Variants in TLCD4 observed in about 807,000 individuals in gnomAD.
TLCD4 encodes the protein TLC domain-containing protein 4.
In TLCD4, 7 loss-of-function variants were observed where a neutral mutation model predicts 24.2. That is an observed-to-expected ratio of 0.29 (90% CI 0.16 to 0.54). The LOEUF (loss-of-function observed/expected upper bound fraction) is 0.54, where lower values mean the gene tolerates loss of function less well. Among genes scored for constraint, TLCD4 ranks in the 20% least tolerant of loss-of-function variants. The probability of loss-of-function intolerance (pLI) is 0.95; values close to 1 mark genes in which losing one functional copy is unlikely to be tolerated. For missense variants in TLCD4, 259 were observed against 313.9 expected (o/e 0.82, Z 1.32); for synonymous variants, 103 against 106.4 (o/e 0.97, Z 0.20).
At chr1:95,120,014 C>A in intron 1 of TLCD4, 1 of 152,316 alleles carries the variant, frequency 6.6e-6, no homozygotes, top group Non-Finnish European at 1.5e-5. Context: ...CAAAGGAGGG[C>A]CAGACTGGGG....
At chr1:95,143,057 C>T (rs112034535) in intron 1 of TLCD4, among the ~76,000 whole-genome samples, 1 of 151,974 alleles carries the variant, frequency 6.6e-6, no homozygotes, top group Non-Finnish European at 1.5e-5. Flanking sequence ...AGCAACCAAT[C>T]AGAGGCTGAA....
intron 6 of TLCD4, among the ~76,000 whole-genome samples, chr1:95,190,846 T>G (rs1679001925): frequency 1.3e-5 from 2 of 152,242 alleles, no homozygotes; most frequent in Admixed American, 1.3e-4. Flanking sequence ...TATTGTTGAC[T>G]TTTAAGAATT....
At chr1:95,141,093 T>C (rs1367329620) in intron 1 of TLCD4, among the ~76,000 whole-genome samples, 1 of 152,204 alleles carries the variant, frequency 6.6e-6, no homozygotes, top group Non-Finnish European at 1.5e-5. Flanking sequence ...TGGAGCTCTT[T>C]ATTTAGTTTT....
upstream of TLCD4, among the ~76,000 whole-genome samples, chr1:95,116,772 C>G (rs1676439995): frequency 6.6e-6 from 1 of 152,164 alleles, no homozygotes; most frequent in African/African-American, 2.4e-5. Flanking sequence ...CAGAGGGGTT[C>G]CGGGTGTAGG....
chr1:95,189,627 T>G (rs552735711), intron 6 of TLCD4, among the ~76,000 whole-genome samples: 8 of 152,334 alleles, frequency 5.3e-5, no homozygotes, highest in South Asian at 4.1e-4. Context: ...TTTTCTAGAA[T>G]GTCTATAAAT....
chr1:95,101,422 TGTGTGTGTG>T, the TLCD4 span, among the ~76,000 whole-genome samples: 1 of 149,850 alleles, frequency 6.7e-6, no homozygotes, highest in Non-Finnish European at 1.5e-5. Context: ...TGTGTGTGTG[TGTGTGTGTG>T]TGTGTGTGTG....
rs1679233373 is a variant in TLCD4, at chr1:95,197,297, G to A, written c.*5429G>A. 6.6e-6 allele frequency: 1 copy of A among 152,052 alleles called. No homozygotes were observed. The highest frequency in any genetic ancestry group is 1.9e-4 in the East Asian group (1 of 5,196). 9.4% of individuals were successfully genotyped at this position (152,052 alleles called of 1,614,324 possible). On this transcript the variant is annotated 3_prime_UTR_variant, in exon 7 of 7. Transcript: ENST00000370203. The stretch of plus-strand genomic sequence containing the variant: ...TTTTGTTTCCTGGTTGTTTTATTTG[G>A]AGGGATAATAAATGTCTAAGTTATT...
chr1:95,174,422 G>T (rs1678344684), intron 6 of TLCD4, among the ~76,000 whole-genome samples: 1 of 150,200 alleles, frequency 6.7e-6, no homozygotes, highest in Non-Finnish European at 1.5e-5. Context: ...ATAAATCCCA[G>T]CACTTTGGGA....
chr1:95,108,687 T>C, the TLCD4 span, among the ~76,000 whole-genome samples: 1 of 152,246 alleles, frequency 6.6e-6, no homozygotes, highest in Non-Finnish European at 1.5e-5. Context: ...GAATATTTAC[T>C]AGCATACAGA....
chr1:95,165,751 C>G (rs1415772591), intron 5 of TLCD4, among the ~76,000 whole-genome samples: 1 of 152,220 alleles, frequency 6.6e-6, no homozygotes, highest in Non-Finnish European at 1.5e-5. Flanking sequence ...CAGGCATGAG[C>G]CACTGCGCCT....
At position 95,125,006 on chromosome 1, in the gene TLCD4, A is replaced by C. The variant is rs184195383; in HGVS notation, c.-12+7389A>C. Among the ~76,000 whole-genome samples the C allele has an allele frequency of 1.3e-3, 192 of 152,318 alleles. 1 individual carries two copies. Among genetic ancestry groups the C allele is most frequent in the African/African-American group, 4.3e-3 (178 of 41,568 alleles). The stretch of plus-strand genomic sequence containing the variant: ...GATTAAACTTGTTAATAGGTTATAC[A>C]GTGTGAGAATGTCATCAGGGCTTAG... On this transcript the variant is annotated intron_variant, in intron 1 of 6. Transcript: ENST00000370203.
intron 2 of TLCD4, among the ~76,000 whole-genome samples, chr1:95,145,548 G>T (rs1677320681): frequency 6.6e-6 from 1 of 152,106 alleles, no homozygotes; most frequent in Non-Finnish European, 1.5e-5. Context: ...CAAAAATATT[G>T]TTCAAATGCA....
the TLCD4 span, among the ~76,000 whole-genome samples, chr1:95,100,207 G>A: frequency 6.6e-6 from 1 of 152,160 alleles, no homozygotes; most frequent in Non-Finnish European, 1.5e-5. Flanking sequence ...AACAGGCTCA[G>A]AGAAGTTAAG....
At chr1:95,179,130 A>G (rs1410940690) in intron 6 of TLCD4, among the ~76,000 whole-genome samples, 1 of 152,202 alleles carries the variant, frequency 6.6e-6, no homozygotes, top group African/African-American at 2.4e-5. Context: ...ACCACAAGCC[A>G]CATATGAATA....
chr1:95,130,215 C>T (rs557095994), intron 1 of TLCD4, among the ~76,000 whole-genome samples: 641 of 54,876 alleles, frequency 0.012, 2 homozygotes, highest in African/African-American at 0.02. Context: ...TTCAGTGGTG[C>T]GATCTCGGCT....
intron 1 of TLCD4, among the ~76,000 whole-genome samples, chr1:95,123,853 G>A (rs1451658339): frequency 6.6e-6 from 1 of 152,178 alleles, no homozygotes; most frequent in Non-Finnish European, 1.5e-5. Context: ...TATAAATACT[G>A]TATATCTTTT....
the TLCD4 span, among the ~76,000 whole-genome samples, chr1:95,097,112 G>A: frequency 1.3e-5 from 2 of 151,612 alleles, no homozygotes; most frequent in Admixed American, 1.3e-4. Flanking sequence ...CATAATAGAT[G>A]TACATATTTT....
intron 5 of TLCD4, 89 bp from the exon 6 acceptor site, chr1:95,173,727 T>C (rs1678315348): frequency 1.3e-6 from 2 of 1,550,626 alleles, no homozygotes; most frequent in Admixed American, 3.5e-5. Flanking sequence ...TGTTATATTA[T>C]GCTGAGAAGC....
intron 1 of TLCD4, among the ~76,000 whole-genome samples, chr1:95,137,859 C>T (rs1183883990): frequency 6.6e-6 from 1 of 152,058 alleles, no homozygotes; most frequent in East Asian, 1.9e-4. Flanking sequence ...ATCTCTGCCT[C>T]CTGAGTAGTG....
Sources: allele counts gnomAD v4.1 joint callset (sites outside exome capture counted in the v4.1 genomes callset), GRCh38; gene constraint gnomAD v4.1.1; transcripts MANE v1.5; gene names NCBI Gene and HGNC (gene_info 2026-07-23, HGNC 2026-07-21).